Variants in ZNF33B observed in about 807,000 individuals in gnomAD.
ZNF33B encodes the protein zinc finger protein 11b (KOX 2).
ZNF33B carries 29 observed loss-of-function variants against 45.8 expected under a neutral mutation model. The observed-to-expected ratio is 0.63, with a 90% CI of 0.47 to 0.86. ZNF33B has a LOEUF of 0.86. Among genes scored for constraint, ZNF33B ranks in the 40% least tolerant of loss-of-function variants. The pLI is 0.00. For missense variants in ZNF33B, 831 were observed against 909.9 expected (o/e 0.91, Z 1.12); for synonymous variants, 305 against 307.8 (o/e 0.99, Z 0.10).
downstream of ZNF33B, chr10:42,588,974 G>A (rs572880303): frequency 6.2e-6 from 1 of 162,148 alleles, no homozygotes; most frequent in African/African-American, 2.4e-5. Context: ...TCAGGTCACA[G>A]TTACCATAAT....
chr10:42,594,562 C>G lies in ZNF33B; in HGVS notation c.388G>C (p.Val130Leu), dbSNP rs201879663. 6.2e-7 allele frequency: 1 copy of G among 1,613,442 alleles called. No homozygotes were observed. Among genetic ancestry groups the G allele is most frequent in the South Asian group, 1.1e-5 (1 of 90,946 alleles). The stretch of plus-strand genomic sequence containing the variant: ...ATTTTTCTGGAAGGAAAAGAACTTA[C>G]GTCCATGTTAAATGGTATTCCTATT... ...NVIGIPFNMD[V>L]SSFPSRKMFC... The change falls in exon 5 of 5, where the codon GTA (valine) becomes CTA (leucine). Residue 130 changes from valine (V) to leucine (L), a missense_variant. By Grantham distance (32) the Val-to-Leu change is conservative (BLOSUM62 1). Transcript: ENST00000359467.
chr10:42,633,596 C>T (rs1839151603), intron 2 of ZNF33B, among the ~76,000 whole-genome samples: 1 of 152,144 alleles, frequency 6.6e-6, no homozygotes, highest in African/African-American at 2.4e-5. Context: ...GATACTAGGG[C>T]CACAATGTAA....
chr10:42,614,818 G>A (rs191857415), intron 4 of ZNF33B, among the ~76,000 whole-genome samples: 16 of 152,200 alleles, frequency 1.1e-4, no homozygotes, highest in Admixed American at 1.0e-3. Context: ...GCCAGGCGTG[G>A]TGGTGGGCAC....
At chr10:42,605,294 A>G (rs1432954843) in intron 4 of ZNF33B, 1 of 151,732 alleles carries the variant, frequency 6.6e-6, no homozygotes, top group Non-Finnish European at 1.5e-5. Context: ...GAGGCCAAAA[A>G]CTTGCAAATC....
intron 4 of ZNF33B, among the ~76,000 whole-genome samples, chr10:42,611,980 T>C (rs765919705): frequency 4.6e-5 from 7 of 152,142 alleles, no homozygotes; most frequent in South Asian, 2.1e-4. Flanking sequence ...CAATGAGATG[T>C]TGAGTAAGAG....
intron 1 of ZNF33B, among the ~76,000 whole-genome samples, chr10:42,577,648 T>A (rs556585491): frequency 6.6e-6 from 1 of 152,242 alleles, no homozygotes; most frequent in African/African-American, 2.4e-5. Context: ...GGTGAATTTG[T>A]CCTCCCCAGC....
chr10:42,624,125 G>T (rs1838703065), intron 4 of ZNF33B, among the ~76,000 whole-genome samples: 1 of 152,144 alleles, frequency 6.6e-6, no homozygotes, highest in African/African-American at 2.4e-5. Context: ...TACGCACATG[G>T]AGAGTGAGGA....
At chr10:42,588,808 A>C (rs188467189), downstream of ZNF33B, among the ~76,000 whole-genome samples, 16 of 152,276 alleles carry the variant, frequency 1.1e-4, no homozygotes, top group Non-Finnish European at 2.1e-4. Context: ...ACTGCTTAGG[A>C]ATAAGCAGGA....
chr10:42,578,839 G>T, intron 1 of ZNF33B: 1 of 152,214 alleles, frequency 6.6e-6, no homozygotes, highest in East Asian at 1.9e-4. Context: ...TACGAAGGCT[G>T]CCACACAGCT....
intron 4 of ZNF33B, among the ~76,000 whole-genome samples, chr10:42,595,216 GAGAC>G (rs899592565): frequency 6.6e-6 from 1 of 152,124 alleles, no homozygotes; most frequent in African/African-American, 2.4e-5. Flanking sequence ...TGGAATAGAG[GAGAC>G]AGACAGCCCA....
chr10:42,576,760 C>G (rs866793012), intron 1 of ZNF33B, among the ~76,000 whole-genome samples: 3 of 152,098 alleles, frequency 2.0e-5, no homozygotes, highest in Non-Finnish European at 1.5e-5. Flanking sequence ...TGGTGGAAAA[C>G]AAGAAGGAAA....
At chr10:42,600,855 T>C (rs1725023800) in intron 4 of ZNF33B, among the ~76,000 whole-genome samples, 1 of 152,198 alleles carries the variant, frequency 6.6e-6, no homozygotes, top group Non-Finnish European at 1.5e-5. Context: ...GTCAATATCC[T>C]TTTTAGAGAC....
chr10:42,586,400 C>T (rs1836937194), downstream of ZNF33B, among the ~76,000 whole-genome samples: 1 of 152,072 alleles, frequency 6.6e-6, no homozygotes, highest in African/African-American at 2.4e-5. Flanking sequence ...CTGCCTGCCT[C>T]ATCCTCCCAG....
intron 2 of ZNF33B, among the ~76,000 whole-genome samples, chr10:42,635,415 A>G (rs886400797): frequency 1.3e-5 from 2 of 151,536 alleles, no homozygotes; most frequent in African/African-American, 2.4e-5. Flanking sequence ...GAGGGCTGGC[A>G]ATGTTTTTTT....
At chr10:42,574,475 G>A (rs1270469752) in exon 2 of ZNF33B, 1 of 152,106 alleles carries the variant, frequency 6.6e-6, no homozygotes, top group Non-Finnish European at 1.5e-5. Flanking sequence ...CCAAAAGAAA[G>A]TGAGAAGCCG....
chr10:42,628,216 A>C (rs1265777142), intron 4 of ZNF33B, among the ~76,000 whole-genome samples: 1 of 152,262 alleles, frequency 6.6e-6, no homozygotes, highest in Admixed American at 6.5e-5. Context: ...GGATTTCACC[A>C]TATTATCCAG....
At chr10:42,583,053 G>C in intron 1 of ZNF33B, 1 of 836,794 alleles carries the variant, frequency 1.2e-6, no homozygotes, top group Non-Finnish European at 2.1e-6. Context: ...AGGCAGTGCA[G>C]AGTCCTCTTC....
In ZNF33B at chr10:42,598,231, G is replaced by A. The variant is rs1837480128; in HGVS notation, c.251-3532C>T. 5.3e-5 allele frequency among the ~76,000 whole-genome samples: 8 copies of A among 152,236 alleles called. No individual in the cohort carries two copies. The South Asian group carries it at 1.7e-3, about 32-fold the overall frequency. On this transcript the variant is annotated intron_variant, in intron 4 of 4. Transcript: ENST00000359467. ...TATTTTCTAATACTTTACTGACCAT[G>A]ATGACTGCCTGAAAGCTGGAGGTTA...
At chr10:42,577,736 C>T (rs1443817521) in intron 1 of ZNF33B, among the ~76,000 whole-genome samples, 2 of 152,190 alleles carry the variant, frequency 1.3e-5, no homozygotes, top group East Asian at 3.9e-4. Context: ...CATGAGTATC[C>T]TGGCAAGTGG....
Sources: gnomAD v4.1 joint callset for allele counts (sites outside exome capture counted in the v4.1 genomes callset) on GRCh38, gnomAD v4.1.1 for gene constraint, MANE v1.5 for transcripts, NCBI Gene and HGNC (gene_info 2026-07-23, HGNC 2026-07-21) for gene names.